Variants in NRG1 observed in about 807,000 individuals in gnomAD.
The protein encoded by NRG1 is pro-neuregulin-1, membrane-bound isoform.
NRG1 carries 18 observed loss-of-function variants against 63.8 expected under a neutral mutation model. The observed-to-expected ratio is 0.28, with a 90% CI of 0.19 to 0.42. NRG1 has a LOEUF of 0.42. Ranked by LOEUF, NRG1 falls within the 10% of genes least tolerant of loss-of-function variation. The pLI is 1.00. For synonymous variants in NRG1, 302 were observed against 301.3 expected (o/e 1.00, Z -0.02); for missense variants, 762 against 814.7 (o/e 0.94, Z 0.79).
chr8:32,080,852 G>T (rs1827367389), intron 1 of NRG1, among the ~76,000 whole-genome samples: 1 of 150,634 alleles, frequency 6.6e-6, no homozygotes, highest in South Asian at 2.1e-4. Flanking sequence ...TAAGGAATTG[G>T]CTCACAATTA....
intron 1 of NRG1, among the ~76,000 whole-genome samples, chr8:32,403,465 T>C (rs1263805178): frequency 2.0e-5 from 3 of 152,174 alleles, no homozygotes; most frequent in Admixed American, 6.5e-5. Flanking sequence ...CTCAAAAAGC[T>C]TAAGAAATTT....
chr8:32,343,778 T>A (rs538059833), intron 1 of NRG1, among the ~76,000 whole-genome samples: 1 of 152,354 alleles, frequency 6.6e-6, no homozygotes, highest in South Asian at 2.1e-4. Context: ...CACCTCATTG[T>A]GGATACAGAA....
At chr8:32,354,800 T>TAAAA in intron 1 of NRG1, among the ~76,000 whole-genome samples, 1 of 113,720 alleles carries the variant, frequency 8.8e-6, no homozygotes, top group Middle Eastern at 5.2e-3. Flanking sequence ...CTGCTTTTTT[T>TAAAA]AAAAAAAAAA....
intron 1 of NRG1, among the ~76,000 whole-genome samples, chr8:31,859,915 G>T (rs1036521604): frequency 6.6e-6 from 1 of 152,094 alleles, no homozygotes; most frequent in African/African-American, 2.4e-5. Flanking sequence ...TCTAGATTTG[G>T]AAAATAAGCC....
intron 1 of NRG1, among the ~76,000 whole-genome samples, chr8:32,259,401 T>G (rs1241620209): frequency 6.6e-6 from 1 of 152,038 alleles, no homozygotes; most frequent in Non-Finnish European, 1.5e-5. Flanking sequence ...AAAGCATAAA[T>G]TTCACCCCCG....
At chr8:32,102,018 G>T (rs377462703) in intron 1 of NRG1, among the ~76,000 whole-genome samples, 1 of 152,140 alleles carries the variant, frequency 6.6e-6, no homozygotes, top group Non-Finnish European at 1.5e-5. Flanking sequence ...AGTTTAGCAG[G>T]CTTCGTCGGA....
chr8:32,101,698 G>T (rs184413761), intron 1 of NRG1, among the ~76,000 whole-genome samples: 1 of 152,204 alleles, frequency 6.6e-6, no homozygotes, highest in Admixed American at 6.5e-5. Flanking sequence ...GAAATAGCAC[G>T]CTAGTTGCGT....
At chr8:32,361,617 A>T (rs187612131) in intron 1 of NRG1, among the ~76,000 whole-genome samples, 37 of 152,224 alleles carry the variant, frequency 2.4e-4, no homozygotes, top group African/African-American at 8.9e-4. Context: ...CACAGAGATC[A>T]GTTTTACATA....
chr8:31,784,836 A>T (rs1191336465), intron 1 of NRG1, among the ~76,000 whole-genome samples: 2 of 152,160 alleles, frequency 1.3e-5, no homozygotes, highest in Non-Finnish European at 2.9e-5. Context: ...AATTGGACTC[A>T]TGGTGTGAGA....
chr8:32,134,829 C>T (rs1343577584), intron 1 of NRG1, among the ~76,000 whole-genome samples: 2 of 152,042 alleles, frequency 1.3e-5, no homozygotes, highest in Admixed American at 6.6e-5. Context: ...ATACAGTGAG[C>T]TATGATCACT....
chr8:32,631,673 T>TTA (rs1363989784), intron 5 of NRG1, among the ~76,000 whole-genome samples: 2 of 152,194 alleles, frequency 1.3e-5, no homozygotes, highest in African/African-American at 4.8e-5. Context: ...ACTGGGTTAA[T>TTA]GCTAATGGAA....
At position 32,742,854 on chromosome 8, in the gene NRG1, T is replaced by C. The variant is rs1018093384; in HGVS notation, c.691+121T>C. ...GCTAGATGTGTCTTACCAGATCTAA[T>C]ATTGACTGCCTCTGCCTGTCGCATG... On this transcript the variant is annotated intron_variant, in intron 7 of 11. Coordinates refer to ENST00000356819, the Ensembl canonical transcript of NRG1. This position sits in a 1 kb window ranked among gnomAD's most constrained non-coding sequence, Gnocchi z 4.2. 3.1e-6 allele frequency: 5 copies of C among 1,592,826 alleles called. No individual in the cohort carries two copies. The African/African-American group carries it at 6.7e-5, about 21-fold the overall frequency.
Position 32,674,461 on chromosome 8 carries a change from T to C in NRG1, c.503-53488T>C, listed in dbSNP as rs1440656940. ...ATAGGCAAAGAGTGAGAGCAATGAT[T>C]GTAAATGTGTTGTTTTAAAAGGTTT... On this transcript the variant is annotated intron_variant, in intron 5 of 11. Coordinates refer to ENST00000356819, the Ensembl canonical transcript of NRG1. Among the ~76,000 whole-genome samples the C allele has an allele frequency of 2.6e-5, 4 of 152,234 alleles. No individual in the cohort carries two copies. In the East Asian group the frequency reaches 7.7e-4, roughly 29 times the overall value.
chr8:32,066,268 A>G (rs894194963), intron 1 of NRG1, among the ~76,000 whole-genome samples: 2 of 152,186 alleles, frequency 1.3e-5, no homozygotes, highest in African/African-American at 4.8e-5. Flanking sequence ...GTCCATGCCT[A>G]TGTCCTGAAT....
At chr8:31,681,369 A>C (rs1056667300) in intron 1 of NRG1, among the ~76,000 whole-genome samples, 5 of 149,804 alleles carry the variant, frequency 3.3e-5, no homozygotes, top group African/African-American at 1.2e-4. Context: ...AAAGACTGGG[A>C]CCAGTGTCTC....
intron 11 of NRG1, 65 bp from the exon 12 acceptor site, chr8:32,763,683 T>G: frequency 6.9e-7 from 1 of 1,454,862 alleles, no homozygotes; most frequent in Non-Finnish European, 9.2e-7. Context: ...CTCTGTCCCC[T>G]TACCTTCCCT....
chr8:31,715,524 A>C (rs531137251), intron 1 of NRG1, among the ~76,000 whole-genome samples: 170 of 152,330 alleles, frequency 1.1e-3, no homozygotes, highest in Non-Finnish European at 2.1e-3. Context: ...TGAATCAAAG[A>C]AATAATTAAA....
At chr8:32,081,534 A>T (rs1481665243) in intron 1 of NRG1, among the ~76,000 whole-genome samples, 2 of 152,166 alleles carry the variant, frequency 1.3e-5, no homozygotes, top group Non-Finnish European at 2.9e-5. Context: ...ACATTAGATT[A>T]GTGGGGTAGT....
intron 5 of NRG1, among the ~76,000 whole-genome samples, chr8:32,617,223 C>T (rs1036576200): frequency 2.6e-5 from 4 of 152,194 alleles, no homozygotes; most frequent in Non-Finnish European, 5.9e-5. Flanking sequence ...TTTTCAGCTT[C>T]TCTGGATGCC....
Sources: gnomAD v4.1 joint callset for allele counts (sites outside exome capture counted in the v4.1 genomes callset) on GRCh38, gnomAD v4.1.1 for gene constraint, Gnocchi (gnomAD v3.1) non-coding constraint, MANE v1.5 for transcripts, NCBI Gene and HGNC (gene_info 2026-07-23, HGNC 2026-07-21) for gene names.